SEMA6A: variants seen among roughly 807,000 people sequenced by gnomAD.
SEMA6A encodes semaphorin-6A.
A neutral mutation model predicts 96.8 loss-of-function variants in SEMA6A; 25 were observed. That is an observed-to-expected ratio of 0.26 (90% CI 0.19 to 0.36). The LOEUF (loss-of-function observed/expected upper bound fraction) is 0.36. SEMA6A is among the 10% of genes least tolerant of loss of function. The pLI is 1.00. For missense variants in SEMA6A, 1,363 were observed against 1,323.1 expected (o/e 1.03, Z -0.47); for synonymous variants, 612 against 518.0 (o/e 1.18, Z -2.46).
At chr5:116,506,512 C>G (rs1458083904) in intron 1 of SEMA6A, among the ~76,000 whole-genome samples, 1 of 152,164 alleles carries the variant, frequency 6.6e-6, no homozygotes, top group Non-Finnish European at 1.5e-5. Context: ...TTTGCCAGTT[C>G]TTCCTATCCT....
At chr5:116,450,279 G>A (rs1160822419) in intron 18 of SEMA6A, among the ~76,000 whole-genome samples, 1 of 152,164 alleles carries the variant, frequency 6.6e-6, no homozygotes. Flanking sequence ...TTTTTTCATG[G>A]CAATGAGTAT....
intron 1 of SEMA6A, among the ~76,000 whole-genome samples, chr5:116,517,907 G>C (rs1758743245): frequency 1.3e-5 from 2 of 152,190 alleles, no homozygotes; most frequent in Non-Finnish European, 2.9e-5. Flanking sequence ...CTCCAAAGGA[G>C]ATTCCATGAT....
chr5:116,497,518 AAAG>A (rs34225043), intron 3 of SEMA6A, 131 bp from the exon 4 acceptor site: 11,839 of 560,598 alleles, frequency 0.021, 861 homozygotes, highest in African/African-American at 0.17. Context: ...TGCAAGAAGA[AAAG>A]AGCGCAGCCT....
Position 116,447,534 on chromosome 5 carries a change from C to T in SEMA6A, c.2172G>A (p.Thr724=), listed in dbSNP as rs1346612327. The change falls in exon 19 of 19, where the codon ACG becomes ACA. Residue 724 remains threonine, a synonymous_variant. Transcript: ENST00000343348. ...SKDPKPEAIL[T]PLMHNGKLAT... is the part of the protein sequence containing the mutation. ...CGAGCTTGCCGTTGTGCATGAGTGGCGTGAGGATGGCCTCCGGCTTTGGGT... is the reference window on the plus strand; with the variant it reads ...CGAGCTTGCCGTTGTGCATGAGTGGTGTGAGGATGGCCTCCGGCTTTGGGT... The T allele has an allele frequency of 1.9e-6, 3 of 1,613,912 alleles. No individual in the cohort carries two copies. Among genetic ancestry groups the T allele is most frequent in the East Asian group, 2.2e-5 (1 of 44,882 alleles).
chr5:116,478,314 GTATATGTATCTATATAAACACACACACA>G (rs974892642), intron 13 of SEMA6A, 160 bp from the exon 14 acceptor site: 30 of 812,342 alleles, frequency 3.7e-5, no homozygotes, highest in Middle Eastern at 6.1e-4. Flanking sequence ...ACACACACAT[GTATATGTATCTATATAAACACACACACA>G]TATATGTATC....
intron 1 of SEMA6A, among the ~76,000 whole-genome samples, chr5:116,556,043 A>C (rs1466888315): frequency 6.6e-6 from 1 of 152,156 alleles, no homozygotes; most frequent in Non-Finnish European, 1.5e-5. Flanking sequence ...CAGGAAGGCT[A>C]TAGCTCAAGG....
At chr5:116,564,031 GCCCGGTGAAA>G (rs1760926064) in intron 1 of SEMA6A, among the ~76,000 whole-genome samples, 1 of 152,206 alleles carries the variant, frequency 6.6e-6, no homozygotes, top group Non-Finnish European at 1.5e-5. Flanking sequence ...GTGCCTAGAA[GCCCGGTGAAA>G]CCAGTAGCAA....
Position 116,573,796 on chromosome 5 carries a change from G to A in SEMA6A, c.-39+389C>T, listed in dbSNP as rs569229912. Among the ~76,000 whole-genome samples, 4 of 152,180 alleles carry A rather than the reference G, an allele frequency of 2.6e-5. No individual in the cohort carries two copies. In the East Asian group the frequency reaches 7.8e-4, roughly 30 times the overall value. On this transcript the variant is annotated intron_variant, in intron 1 of 18. Coordinates refer to ENST00000343348, the MANE Select transcript of SEMA6A (RefSeq NM_020796.5). ...TGCCTTCGACACACCGGGCCAGGGA[G>A]CTTCCGAGAATCCCACCATTTAGGG...
At chr5:116,509,643 G>A (rs1580454539) in intron 1 of SEMA6A, among the ~76,000 whole-genome samples, 1 of 151,824 alleles carries the variant, frequency 6.6e-6, no homozygotes, top group Non-Finnish European at 1.5e-5. Context: ...TAGGAAGGAT[G>A]GTACAGGGAG....
intron 3 of SEMA6A, 80 bp from the exon 4 acceptor site, chr5:116,497,467 T>C (rs535574874): frequency 8.2e-5 from 69 of 837,960 alleles, no homozygotes; most frequent in Non-Finnish European, 1.3e-4. Context: ...TTATGTCTTA[T>C]CAGGGCAGAT....
At chr5:116,506,863 T>A (rs1046549791) in intron 1 of SEMA6A, among the ~76,000 whole-genome samples, 2 of 152,222 alleles carry the variant, frequency 1.3e-5, no homozygotes, top group African/African-American at 4.8e-5. Flanking sequence ...TTTTAAGGCT[T>A]AATTTTTCTT....
intron 18 of SEMA6A, among the ~76,000 whole-genome samples, chr5:116,456,916 C>T (rs577711804): frequency 1.2e-4 from 18 of 152,254 alleles, no homozygotes; most frequent in African/African-American, 4.3e-4. Context: ...TTCATCTCTG[C>T]ATGACTAGAC....
At position 116,473,350 on chromosome 5, in the gene SEMA6A, C is replaced by T. The variant is rs78880168; in HGVS notation, c.1709-257G>A. ...GAGGCAGAGAAAATGCAAGAGTTGG[C>T]AGACGAAATGGTAACTGCAATTATA... On this transcript the variant is annotated intron_variant, in intron 16 of 18. Coordinates refer to ENST00000343348, the MANE Select transcript of SEMA6A (RefSeq NM_020796.5). Among the ~76,000 whole-genome samples, 1,509 of 152,346 alleles carry T rather than the reference C, an allele frequency of 9.9e-3. 53 individuals carry two copies. Among genetic ancestry groups the T allele is most frequent in the Admixed American group, 0.052 (800 of 15,300 alleles).
intron 1 of SEMA6A, among the ~76,000 whole-genome samples, chr5:116,538,544 T>C (rs909037657): frequency 6.6e-6 from 1 of 152,186 alleles, no homozygotes; most frequent in African/African-American, 2.4e-5. Flanking sequence ...ATTTTACATA[T>C]GTCTTGAAGA....
At chr5:116,569,506 T>C (rs966936349) in intron 1 of SEMA6A, among the ~76,000 whole-genome samples, 1 of 151,688 alleles carries the variant, frequency 6.6e-6, no homozygotes, top group Non-Finnish European at 1.5e-5. Flanking sequence ...TGATCTGATC[T>C]GGTTTAGTTT....
chr5:116,471,540 G>C (rs937762635), intron 17 of SEMA6A: 4 of 152,162 alleles, frequency 2.6e-5, no homozygotes, highest in African/African-American at 9.7e-5. Context: ...TTTTCCTCAA[G>C]GCAGTCTCAA....
intron 1 of SEMA6A, among the ~76,000 whole-genome samples, chr5:116,539,562 C>T (rs1759870947): frequency 1.3e-5 from 2 of 151,364 alleles, no homozygotes; most frequent in Admixed American, 1.3e-4. Context: ...ACTTGTCCTT[C>T]AGTGCAATAC....
At position 116,447,234 on chromosome 5, in the gene SEMA6A, G is replaced by A. The variant is rs535223153; in HGVS notation, c.2472C>T (p.Gly824=). 7 of 1,614,028 alleles carry A rather than the reference G, an allele frequency of 4.3e-6. No homozygotes were observed. In the African/African-American group the frequency reaches 6.7e-5, roughly 15 times the overall value. Residue 824 remains glycine, a synonymous_variant, in exon 19 of 19, where the codon GGC becomes GGT. Transcript: ENST00000343348. ...GCTGGTCCACGTACTCATGCTGGTAGCCCTGCTGCGTGATGGGCAGGACCA... is the reference window on the plus strand; with the variant it reads ...GCTGGTCCACGTACTCATGCTGGTAACCCTGCTGCGTGATGGGCAGGACCA... ...SVVVLPITQQ[G]YQHEYVDQPK... is the part of the protein sequence containing the mutation.
intron 1 of SEMA6A, among the ~76,000 whole-genome samples, chr5:116,526,366 C>T (rs561757977): frequency 4.6e-5 from 7 of 152,128 alleles, no homozygotes; most frequent in South Asian, 4.1e-4. Context: ...TTTTTTCTTT[C>T]GAAATACTTG....
Sources: allele counts gnomAD v4.1 joint callset (sites outside exome capture counted in the v4.1 genomes callset), GRCh38; gene constraint gnomAD v4.1.1; transcripts MANE v1.5; gene names NCBI Gene and HGNC (gene_info 2026-07-23, HGNC 2026-07-21).